The following INSYN2B variants were observed in gnomAD, a reference collection of about 807,000 sequenced individuals.
The protein encoded by INSYN2B is protein INSYN2B.
A neutral mutation model predicts 41.2 loss-of-function variants in INSYN2B; 16 were observed. That is an observed-to-expected ratio of 0.39 (90% CI 0.26 to 0.59). INSYN2B has a LOEUF of 0.59. Among genes scored for constraint, INSYN2B ranks in the 20% least tolerant of loss-of-function variants. The pLI, the probability that INSYN2B is intolerant of heterozygous loss-of-function variation, is 0.57. For synonymous variants in INSYN2B, 245 were observed against 244.4 expected (o/e 1.00, Z -0.02); for missense variants, 608 against 646.4 (o/e 0.94, Z 0.64).
intron 1 of INSYN2B, among the ~76,000 whole-genome samples, chr5:169,961,660 G>C (rs2113745941): frequency 6.6e-6 from 1 of 152,108 alleles, no homozygotes; most frequent in South Asian, 2.1e-4. Context: ...TGCTAAGAAG[G>C]ACAAGTATAA....
chr5:169,910,573 G>A (rs1044730029), intron 1 of INSYN2B, among the ~76,000 whole-genome samples: 12 of 152,036 alleles, frequency 7.9e-5, no homozygotes, highest in African/African-American at 2.2e-4. Flanking sequence ...GAGCTCCTCC[G>A]AGGTTCACTG....
At chr5:169,943,767 G>C (rs909072009) in intron 1 of INSYN2B, among the ~76,000 whole-genome samples, 2 of 152,182 alleles carry the variant, frequency 1.3e-5, no homozygotes, top group Non-Finnish European at 2.9e-5. Context: ...TACTGATTCA[G>C]AACAGTTGAC....
intron 1 of INSYN2B, among the ~76,000 whole-genome samples, chr5:169,946,397 T>G (rs1776450321): frequency 6.6e-6 from 1 of 152,220 alleles, no homozygotes; most frequent in Non-Finnish European, 1.5e-5. Context: ...AGGAGCTACC[T>G]TTATGTTTCT....
chr5:169,904,559 G>C (rs951086041), intron 1 of INSYN2B, among the ~76,000 whole-genome samples: 2 of 152,110 alleles, frequency 1.3e-5, no homozygotes, highest in Admixed American at 1.3e-4. Flanking sequence ...GGCCTTTAGA[G>C]TGCTGGCGAC....
At chr5:169,950,168 T>G (rs1463944479) in intron 1 of INSYN2B, among the ~76,000 whole-genome samples, 1 of 152,044 alleles carries the variant, frequency 6.6e-6, no homozygotes, top group Non-Finnish European at 1.5e-5. Context: ...GGAGCCATCG[T>G]GGAAGGTGGT....
rs145215754 is a variant in INSYN2B at position 169,938,800 on chromosome 5, CTT to C, written c.-919+41475_-919+41476del. ...ACTTTTCATTTTTTAACTTTTTACTCTTTTGTAATAACGCTTAGCTTAAAACA... is the reference window on the plus strand; with the variant it reads ...ACTTTTCATTTTTTAACTTTTTACTCTTGTAATAACGCTTAGCTTAAAACA... On this transcript the variant is annotated intron_variant, in intron 1 of 3. Coordinates refer to ENST00000377365, the MANE Select transcript of INSYN2B (RefSeq NM_001129891.3). 9.0e-3 allele frequency among the ~76,000 whole-genome samples: 1,364 copies of C among 152,276 alleles called. 64 individuals carry two copies. In the East Asian group the frequency reaches 0.13, roughly 15 times the overall value.
At chr5:169,928,410 C>T (rs1359558959) in intron 1 of INSYN2B, among the ~76,000 whole-genome samples, 3 of 152,226 alleles carry the variant, frequency 2.0e-5, no homozygotes, top group Admixed American at 6.5e-5. Context: ...CAGAATGCCC[C>T]GCTGTTTTCA....
intron 1 of INSYN2B, among the ~76,000 whole-genome samples, chr5:169,923,085 C>A (rs190725984): frequency 6.6e-6 from 1 of 152,314 alleles, no homozygotes; most frequent in East Asian, 1.9e-4. Context: ...GAGCCACCAC[C>A]TCATGGAACC....
At position 169,909,439 on chromosome 5, in the gene INSYN2B, G is replaced by GT. The variant is rs955897690; in HGVS notation, c.-918-24624dup. ...TTGCAATGAATTTAAAAAAATCTAAGTTTTTTCTTTTTGAAGAAGAAAGTC... is the reference window on the plus strand; with the variant it reads ...TTGCAATGAATTTAAAAAAATCTAAGTTTTTTTCTTTTTGAAGAAGAAAGTC... On this transcript the variant is annotated intron_variant, in intron 1 of 3. Coordinates refer to ENST00000377365, the MANE Select transcript of INSYN2B (RefSeq NM_001129891.3). Among the ~76,000 whole-genome samples the GT allele has an allele frequency of 1.1e-4, 16 of 152,254 alleles. No individual in the cohort carries two copies. The East Asian group carries it at 2.5e-3, about 24-fold the overall frequency.
chr5:169,976,009 G>A (rs906736545), intron 1 of INSYN2B, among the ~76,000 whole-genome samples: 2 of 152,142 alleles, frequency 1.3e-5, no homozygotes, highest in Non-Finnish European at 2.9e-5. Flanking sequence ...TTTCATTTCT[G>A]GCCTCTCCTA....
At chr5:169,920,289 AAATAT>A (rs1775102441) in intron 1 of INSYN2B, among the ~76,000 whole-genome samples, 1 of 152,212 alleles carries the variant, frequency 6.6e-6, no homozygotes, top group South Asian at 2.1e-4. Context: ...AAACACAATA[AAATAT>A]AATATTATGT....
rs1417473474 is a variant in INSYN2B, at chr5:169,883,519, G to A, written c.380C>T (p.Ala127Val). The A allele has an allele frequency of 1.9e-6, 3 of 1,551,530 alleles. No individual in the cohort carries two copies. The highest frequency in any genetic ancestry group is 2.7e-5 in the African/African-American group (2 of 73,040). Reference sequence around the variant, plus strand: ...GTTGACCTGGATGGCACTTTGGGAGGCTGTTGGCATTTCCACCAGGGACTT... The same window carrying A: ...GTTGACCTGGATGGCACTTTGGGAGACTGTTGGCATTTCCACCAGGGACTT... ...ASKSLVEMPT[A>V]SQSAIQVNGN... The change falls in exon 2 of 4, where the codon GCC becomes GTC. Residue 127 changes from alanine to valine, a missense_variant. Physicochemically the swap from Ala to Val is moderately conservative, Grantham distance 64. Transcript: ENST00000377365.
At position 169,864,458 on chromosome 5, in the gene INSYN2B, C is replaced by A; in HGVS notation, c.1423G>T (p.Val475Leu). 1 of 1,526,172 alleles carries A rather than the reference C, an allele frequency of 6.6e-7. No homozygotes were observed. The highest frequency in any genetic ancestry group is 8.8e-7 in the Non-Finnish European group (1 of 1,135,412). 94.5% of individuals were successfully genotyped at this position (1,526,172 alleles called of 1,614,324 possible). A position where few individuals can be genotyped will look rare whatever the true frequency, so the allele number is the denominator to read the frequency against. The change falls in exon 4 of 4, where the codon GTA (valine) becomes TTA (leucine). Residue 475 changes from valine to leucine, a missense_variant and splice_region_variant. Coordinates refer to ENST00000377365, the MANE Select transcript of INSYN2B (RefSeq NM_001129891.3). ...CQNTACIIYS[V>L]EYDFRQQEGR... is the part of the protein sequence containing the mutation. ...TCCTGCTGCCGAAAATCATACTCTA[C>A]ACTGAAAAACACAGAGAGGAAGGAA...
chr5:169,941,011 AACAG>A (rs1361485477), intron 1 of INSYN2B, among the ~76,000 whole-genome samples: 4 of 152,140 alleles, frequency 2.6e-5, no homozygotes, highest in African/African-American at 9.7e-5. Flanking sequence ...AGGTGAGAAA[AACAG>A]ACAGAAAGCC....
chr5:169,872,851 C>T (rs1179406839), intron 3 of INSYN2B, among the ~76,000 whole-genome samples: 1 of 152,190 alleles, frequency 6.6e-6, no homozygotes, highest in Non-Finnish European at 1.5e-5. Context: ...TCAGTTTCCT[C>T]ATCTGTAAAA....
At chr5:169,872,238 A>G (rs1772023898) in intron 3 of INSYN2B, among the ~76,000 whole-genome samples, 1 of 152,114 alleles carries the variant, frequency 6.6e-6, no homozygotes, top group Non-Finnish European at 1.5e-5. Flanking sequence ...TTCTCTTTTA[A>G]AGAATTAGCT....
intron 1 of INSYN2B, among the ~76,000 whole-genome samples, chr5:169,910,668 A>G (rs946183554): frequency 6.6e-6 from 1 of 152,210 alleles, no homozygotes; most frequent in African/African-American, 2.4e-5. Context: ...GAAGTCCCCA[A>G]AATGACCTGT....
chr5:169,877,632 C>G (rs1772405877), intron 3 of INSYN2B, among the ~76,000 whole-genome samples: 1 of 152,082 alleles, frequency 6.6e-6, no homozygotes, highest in African/African-American at 2.4e-5. Flanking sequence ...GTGGAAATGT[C>G]TGCATGTAGT....
At chr5:169,890,272 T>A (rs1773208377) in intron 1 of INSYN2B, among the ~76,000 whole-genome samples, 1 of 152,154 alleles carries the variant, frequency 6.6e-6, no homozygotes, top group South Asian at 2.1e-4. Flanking sequence ...TGTCTTCCAC[T>A]CTTTTTCTAT....
Sources: gnomAD v4.1 joint callset for allele counts (sites outside exome capture counted in the v4.1 genomes callset) on GRCh38, gnomAD v4.1.1 for gene constraint, MANE v1.5 for transcripts, NCBI Gene and HGNC (gene_info 2026-07-23, HGNC 2026-07-21) for gene names.